FARS2: variants seen among roughly 807,000 people sequenced by gnomAD.
FARS2 encodes phenylalanyl-tRNA synthetase 2, mitochondrial, also known as phenylalanine--tRNA ligase, mitochondrial.
Under a neutral mutation model 46.4 loss-of-function variants are expected in FARS2, and 40 were observed. The observed-to-expected ratio is 0.86, with a 90% CI of 0.67 to 1.12. FARS2 has a LOEUF of 1.12. Among genes scored for constraint, FARS2 ranks in the 50% most tolerant of loss-of-function variants. The pLI is 0.00. For synonymous variants in FARS2, 234 were observed against 214.9 expected (o/e 1.09, Z -0.78); for missense variants, 513 against 567.9 (o/e 0.90, Z 0.98).
At chr6:5,387,074 A>G (rs930808678) in intron 2 of FARS2, among the ~76,000 whole-genome samples, 5 of 152,138 alleles carry the variant, frequency 3.3e-5, no homozygotes, top group African/African-American at 4.8e-5. Context: ...ACCTAACTGT[A>G]TTTGTGAGAG....
At chr6:5,668,353 T>C (rs1193538992) in intron 6 of FARS2, among the ~76,000 whole-genome samples, 6 of 152,208 alleles carry the variant, frequency 3.9e-5, no homozygotes, top group African/African-American at 1.4e-4. Context: ...ATGTGAATGA[T>C]ACTATACCAA....
chr6:5,404,397 A>G (rs909898455), intron 2 of FARS2, 145 bp from the exon 3 acceptor site: 8 of 485,830 alleles, frequency 1.6e-5, no homozygotes, highest in Non-Finnish European at 2.9e-5. Context: ...TGTTAATTTC[A>G]TTACGTTTAT....
intron 6 of FARS2, among the ~76,000 whole-genome samples, chr6:5,674,095 G>A (rs1375058357): frequency 7.1e-6 from 1 of 140,556 alleles, no homozygotes; most frequent in Non-Finnish European, 1.5e-5. Flanking sequence ...TTATGTATAT[G>A]TTTTATTCAA....
Position 5,534,403 on chromosome 6 carries a change from C to T in FARS2, c.905-10777C>T, listed in dbSNP as rs78320943. 9.5e-3 allele frequency among the ~76,000 whole-genome samples: 1,442 copies of T among 152,314 alleles called. 17 individuals carry two copies. Among genetic ancestry groups the T allele is most frequent in the African/African-American group, 0.031 (1,303 of 41,568 alleles). ...CTCCAAAATATTTTCATCGCTTCCACGAGAAACTCTGTACCCATTAAGCAT... is the reference window on the plus strand; with the variant it reads ...CTCCAAAATATTTTCATCGCTTCCATGAGAAACTCTGTACCCATTAAGCAT... On this transcript the variant is annotated intron_variant, in intron 4 of 6. Transcript: ENST00000274680.
At chr6:5,257,742 G>A (rs1488702248), upstream of FARS2, among the ~76,000 whole-genome samples, 3 of 152,174 alleles carry the variant, frequency 2.0e-5, no homozygotes, top group Non-Finnish European at 4.4e-5. Context: ...GATCTGAGGT[G>A]GAAGAGTTTC....
intron 4 of FARS2, chr6:5,466,762 C>G (rs1427592212): frequency 1.0e-6 from 1 of 980,990 alleles, no homozygotes; most frequent in Non-Finnish European, 1.2e-6. Flanking sequence ...GATCTGTAGA[C>G]TGAAGCAGCA....
At chr6:5,695,404 CAT>C (rs1319034237) in intron 6 of FARS2, 1 of 152,280 alleles carries the variant, frequency 6.6e-6, no homozygotes, top group African/African-American at 2.4e-5. Context: ...GAATTTGCCA[CAT>C]GTCTGTGACT....
intron 1 of FARS2, among the ~76,000 whole-genome samples, chr6:5,272,974 A>G (rs1156514999): frequency 6.6e-6 from 1 of 152,132 alleles, no homozygotes; most frequent in Admixed American, 6.6e-5. Context: ...TGTTGCTGCA[A>G]ATGGCAGAAC....
At chr6:5,517,607 A>C (rs1164112724) in intron 4 of FARS2, among the ~76,000 whole-genome samples, 1 of 146,800 alleles carries the variant, frequency 6.8e-6, no homozygotes, top group Non-Finnish European at 1.5e-5. Flanking sequence ...AGTGAGACTC[A>C]GTCTCAAAAA....
chr6:5,598,215 C>T (rs1774311744), intron 5 of FARS2, among the ~76,000 whole-genome samples: 1 of 151,822 alleles, frequency 6.6e-6, no homozygotes, highest in African/African-American at 2.4e-5. Flanking sequence ...AGTGAGACCC[C>T]GTCTCTGCAA....
At chr6:5,450,783 C>A (rs1366923188) in intron 4 of FARS2, among the ~76,000 whole-genome samples, 2 of 152,052 alleles carry the variant, frequency 1.3e-5, no homozygotes, top group Non-Finnish European at 2.9e-5. Context: ...AGAACCTCTT[C>A]TTAGGGGTCT....
Position 5,727,289 on chromosome 6 carries a change from C to T in FARS2, c.1218-44002C>T, listed in dbSNP as rs547660249. On this transcript the variant is annotated intron_variant, in intron 6 of 6. Coordinates refer to ENST00000274680, the MANE Select transcript of FARS2 (RefSeq NM_006567.5). The surrounding 1 kb of genome is among the most constrained non-coding windows in gnomAD (Gnocchi z 4.1). The stretch of plus-strand genomic sequence containing the variant: ...CTCCTCTATGAGGTTGGACCCCGTT[C>T]CTCTGCACAGAACTTTCCCTCCTCC... Among the ~76,000 whole-genome samples, 28 of 152,316 alleles carry T rather than the reference C, an allele frequency of 1.8e-4. No individual in the cohort carries two copies. The highest frequency in any genetic ancestry group is 2.8e-4 in the Non-Finnish European group (19 of 68,028).
At chr6:5,321,992 G>A (rs1430462283) in intron 1 of FARS2, among the ~76,000 whole-genome samples, 2 of 152,182 alleles carry the variant, frequency 1.3e-5, no homozygotes, top group African/African-American at 4.8e-5. Context: ...TTGTAGATGA[G>A]GCTGGTTTGA....
At chr6:5,679,329 C>G (rs1267556039) in intron 6 of FARS2, among the ~76,000 whole-genome samples, 1 of 152,128 alleles carries the variant, frequency 6.6e-6, no homozygotes, top group Non-Finnish European at 1.5e-5. Flanking sequence ...TAATTGCGAC[C>G]AAAATGTGTC....
At chr6:5,280,773 C>T (rs528595858) in intron 1 of FARS2, among the ~76,000 whole-genome samples, 3 of 151,782 alleles carry the variant, frequency 2.0e-5, no homozygotes, top group South Asian at 2.1e-4. Context: ...GTTAGGCCTT[C>T]GCAGCCTCAG....
upstream of FARS2, among the ~76,000 whole-genome samples, chr6:5,258,320 T>C (rs1238619194): frequency 6.6e-6 from 1 of 152,280 alleles, no homozygotes; most frequent in Non-Finnish European, 1.5e-5. Context: ...ACTAGTCTGC[T>C]TTTGATTGCT....
At chr6:5,381,332 A>G (rs192104756) in intron 2 of FARS2, among the ~76,000 whole-genome samples, 18 of 148,686 alleles carry the variant, frequency 1.2e-4, no homozygotes, top group African/African-American at 4.0e-4. Flanking sequence ...TTCTTTTCCT[A>G]TTTGAGAGTC....
At chr6:5,562,695 TAC>T (rs35980009) in intron 5 of FARS2, among the ~76,000 whole-genome samples, 2,141 of 135,680 alleles carry the variant, frequency 0.016, 22 homozygotes, top group African/African-American at 0.031. Flanking sequence ...CTGTAATTTA[TAC>T]ACACACACAC....
At chr6:5,571,725 A>G (rs1428977786) in intron 5 of FARS2, among the ~76,000 whole-genome samples, 2 of 152,080 alleles carry the variant, frequency 1.3e-5, no homozygotes, top group Non-Finnish European at 2.9e-5. Context: ...ACAGACCTTC[A>G]CAGCCACACC....
Sources: allele counts gnomAD v4.1 joint callset (sites outside exome capture counted in the v4.1 genomes callset), GRCh38; gene constraint gnomAD v4.1.1; non-coding constraint Gnocchi (gnomAD v3.1); transcripts MANE v1.5; gene names NCBI Gene and HGNC (gene_info 2026-07-23, HGNC 2026-07-21).